ELL2: variants seen among roughly 807,000 people sequenced by gnomAD.
ELL2 encodes elongation factor for RNA polymerase II 2, also known as RNA polymerase II elongation factor ELL2.
Under a neutral mutation model 72.8 loss-of-function variants are expected in ELL2, and 21 were observed. The ratio of observed to expected loss-of-function variants is 0.29; its 90% confidence interval spans 0.20 to 0.42. ELL2 has a LOEUF of 0.42. Among genes scored for constraint, ELL2 ranks in the 10% least tolerant of loss-of-function variants. The pLI is 1.00. For missense variants in ELL2, 568 were observed against 772.8 expected (o/e 0.73, Z 3.14); for synonymous variants, 266 against 283.2 (o/e 0.94, Z 0.61).
At chr5:95,918,326 A>C (rs1178610112) in intron 3 of ELL2, among the ~76,000 whole-genome samples, 1 of 152,264 alleles carries the variant, frequency 6.6e-6, no homozygotes, top group African/African-American at 2.4e-5. Flanking sequence ...TGGCCATCAC[A>C]GTGGACAGCA....
In ELL2 at chr5:95,898,530, A is replaced by G; in HGVS notation, c.1235T>C (p.Val412Ala). Residue 412 changes from valine to alanine, a missense_variant, in exon 8 of 12, where the codon GTT becomes GCT. This residue lies in a region of ELL2 where 511 missense variants were observed against 728.4 expected (regional missense o/e 0.70). Transcript: ENST00000237853. ...PEGRGTQDLP[V>A]DSFSQNDSIY... Reference sequence around the variant, plus strand: ...ACTATCGTTTTGACTAAAACTGTCAACAGGTAGGTCTTGAGTCCCCCGGCC... The same window carrying G: ...ACTATCGTTTTGACTAAAACTGTCAGCAGGTAGGTCTTGAGTCCCCCGGCC... 1 of 1,614,152 alleles carries G rather than the reference A, an allele frequency of 6.2e-7. No homozygotes were observed. Among genetic ancestry groups the G allele is most frequent in the Non-Finnish European group, 8.5e-7 (1 of 1,180,028 alleles).
At chr5:95,933,641 A>G (rs1268187623) in intron 2 of ELL2, among the ~76,000 whole-genome samples, 2 of 152,162 alleles carry the variant, frequency 1.3e-5, no homozygotes. Context: ...CTTTATTCTT[A>G]TGTGTATTTT....
intron 9 of ELL2, among the ~76,000 whole-genome samples, chr5:95,893,676 C>T (rs762473177): frequency 3.9e-5 from 6 of 152,204 alleles, no homozygotes; most frequent in South Asian, 2.1e-4. Context: ...TGAGCCACCG[C>T]GCCCGGCCTC....
chr5:95,911,493 A>G (rs1749598639), intron 4 of ELL2, among the ~76,000 whole-genome samples: 1 of 152,160 alleles, frequency 6.6e-6, no homozygotes, highest in Admixed American at 6.5e-5. Context: ...GCACGCCATC[A>G]TGCCCAGTTA....
In ELL2 at chr5:95,888,211, G is replaced by A. The variant is rs2348981; in HGVS notation, c.*660C>T. On this transcript the variant is annotated 3_prime_UTR_variant, in exon 12 of 12. Transcript: ENST00000237853. ...TGTAGCTAATGATTAACCACACTATGTACACAACTAGCAAACACCTTAAGG... is the reference window on the plus strand; with the variant it reads ...TGTAGCTAATGATTAACCACACTATATACACAACTAGCAAACACCTTAAGG... The A allele has an allele frequency of 1.3e-5, 2 of 152,506 alleles. No individual in the cohort carries two copies. The highest frequency in any genetic ancestry group is 2.9e-5 in the Non-Finnish European group (2 of 68,020). 9.4% of individuals were successfully genotyped at this position (152,506 alleles called of 1,614,324 possible). A position where few individuals can be genotyped will look rare whatever the true frequency, so the allele number is the denominator to read the frequency against.
chr5:95,951,457 A>G (rs1751400410), intron 1 of ELL2, among the ~76,000 whole-genome samples: 1 of 152,172 alleles, frequency 6.6e-6, no homozygotes. Flanking sequence ...CCCAGATTTA[A>G]TGTGGGCCTT....
intron 7 of ELL2, among the ~76,000 whole-genome samples, chr5:95,899,618 T>C (rs1019015547): frequency 6.6e-6 from 1 of 152,226 alleles, no homozygotes; most frequent in African/African-American, 2.4e-5. Context: ...ATTTAGATAG[T>C]TGAAAACTAT....
intron 2 of ELL2, among the ~76,000 whole-genome samples, chr5:95,935,423 T>C (rs1750738272): frequency 6.6e-6 from 1 of 152,218 alleles, no homozygotes; most frequent in African/African-American, 2.4e-5. Flanking sequence ...ATAGTCATGC[T>C]TTCAGTATTC....
chr5:95,948,721 G>A (rs1299153974), intron 1 of ELL2, among the ~76,000 whole-genome samples: 2 of 152,108 alleles, frequency 1.3e-5, no homozygotes, highest in African/African-American at 4.8e-5. Context: ...TTAGCTTTAA[G>A]TAAATATTTT....
chr5:95,947,695 T>C (rs1751216981), intron 1 of ELL2, among the ~76,000 whole-genome samples: 1 of 152,188 alleles, frequency 6.6e-6, no homozygotes, highest in Non-Finnish European at 1.5e-5. Context: ...ACTCTTTCTT[T>C]CTCTCTTGCC....
intron 2 of ELL2, among the ~76,000 whole-genome samples, chr5:95,920,315 ATTTATTTATTTT>A (rs1199844404): frequency 1.3e-4 from 19 of 144,976 alleles, no homozygotes; most frequent in African/African-American, 4.7e-4. Flanking sequence ...TTATTTATTT[ATTTATTTATTTT>A]TGAGACGGAG....
chr5:95,894,562 G>A (rs773717232), intron 9 of ELL2, among the ~76,000 whole-genome samples: 10 of 152,096 alleles, frequency 6.6e-5, no homozygotes, highest in Non-Finnish European at 1.0e-4. Context: ...CCAACTAAGT[G>A]GTAGGTGATA....
At chr5:95,961,495 G>T in intron 1 of ELL2, 80 bp downstream of exon 1, 1 of 1,351,512 alleles carries the variant, frequency 7.4e-7, no homozygotes, top group Middle Eastern at 2.6e-4. Flanking sequence ...CGGCTCCGCC[G>T]GCCCCGCACC....
chr5:95,950,951 TATAA>T (rs1489755559), intron 1 of ELL2, among the ~76,000 whole-genome samples: 8 of 110,432 alleles, frequency 7.2e-5, no homozygotes, highest in African/African-American at 1.5e-4. Context: ...TATATATATA[TATAA>T]AATCTTCATA....
intron 2 of ELL2, among the ~76,000 whole-genome samples, chr5:95,928,764 A>G (rs1750486501): frequency 6.6e-6 from 1 of 152,270 alleles, no homozygotes; most frequent in Non-Finnish European, 1.5e-5. Flanking sequence ...TCCTATAATC[A>G]TTCAGTTTTT....
rs995900295 is a variant in ELL2, at chr5:95,887,924, G to A, written c.*947C>T. Reference sequence around the variant, plus strand: ...CAACATTAATAAAGCTGACAAACTCGTTGAAATGGAAATGCTTTTGTCTTC... The same window carrying A: ...CAACATTAATAAAGCTGACAAACTCATTGAAATGGAAATGCTTTTGTCTTC... On this transcript the variant is annotated 3_prime_UTR_variant, in exon 12 of 12. Coordinates refer to ENST00000237853, the MANE Select transcript of ELL2 (RefSeq NM_012081.6). 4 of 152,102 alleles carry A rather than the reference G, an allele frequency of 2.6e-5. No homozygotes were observed. Among genetic ancestry groups the A allele is most frequent in the African/African-American group, 9.7e-5 (4 of 41,278 alleles). 9.4% of individuals were successfully genotyped at this position (152,102 alleles called of 1,614,324 possible).
At chr5:95,944,264 T>C (rs1751074509) in intron 1 of ELL2, among the ~76,000 whole-genome samples, 1 of 152,208 alleles carries the variant, frequency 6.6e-6, no homozygotes, top group Non-Finnish European at 1.5e-5. Context: ...AAGTGTAACA[T>C]TAGCTATCTT....
At chr5:95,935,372 G>A (rs545670554) in intron 2 of ELL2, among the ~76,000 whole-genome samples, 6 of 152,082 alleles carry the variant, frequency 3.9e-5, no homozygotes, top group African/African-American at 1.2e-4. Flanking sequence ...TTTAACAAAA[G>A]GAGCTTCAAA....
chr5:95,945,512 T>G (rs936058090), intron 1 of ELL2, among the ~76,000 whole-genome samples: 1 of 152,202 alleles, frequency 6.6e-6, no homozygotes, highest in Non-Finnish European at 1.5e-5. Flanking sequence ...CATCTGTTAA[T>G]GGGGTATTCA....
Sources: allele counts gnomAD v4.1 joint callset (sites outside exome capture counted in the v4.1 genomes callset), GRCh38; gene constraint gnomAD v4.1.1; regional missense constraint gnomAD v4.1.1; transcripts MANE v1.5; gene names NCBI Gene and HGNC (gene_info 2026-07-23, HGNC 2026-07-21).